Variants in GSN observed in about 807,000 individuals in gnomAD.
GSN encodes actin-depolymerizing factor.
GSN carries 56 observed loss-of-function variants against 85.7 expected under a neutral mutation model. The ratio of observed to expected loss-of-function variants is 0.65; its 90% CI spans 0.53 to 0.82. GSN has a LOEUF of 0.82. GSN is among the 40% of genes least tolerant of loss of function. The pLI is 0.00. For missense variants in GSN, 857 were observed against 979.8 expected (o/e 0.87, Z 1.67); for synonymous variants, 373 against 399.1 (o/e 0.93, Z 0.78).
chr9:121,224,741 GAA>G lies in GSN; in HGVS notation c.-527-6409_-527-6408del, dbSNP rs11374663. 1.6e-3 allele frequency among the ~76,000 whole-genome samples: 180 copies of G among 114,304 alleles called. 1 individual carries two copies. Among genetic ancestry groups the G allele is most frequent in the African/African-American group, 4.9e-3 (149 of 30,260 alleles). The allele number at this position is 114,304 out of a possible 152,430, so 75.0% of individuals were successfully genotyped here. ...AGAGATATGATTAGCTAGGCTACCTGAAAAAAAAAAAAAAAAGAAAAGAAAAC... is the reference window on the plus strand; with the variant it reads ...AGAGATATGATTAGCTAGGCTACCTGAAAAAAAAAAAAAAGAAAAGAAAAC... On this transcript the variant is annotated intron_variant, in intron 4 of 24. Transcript: ENST00000373823.
At position 121,331,487 on chromosome 9, in the gene GSN, G is replaced by T. The variant is rs1477637145; in HGVS notation, c.2026+39G>T. On this transcript the variant is annotated intron_variant, in intron 17 of 17. Transcript: ENST00000432226. ...TGCCTGGGGGCGGGGGGAGGGGTCCGTTGCTTGTGGGGTGCTGGGAGTGGC... is the reference window on the plus strand; with the variant it reads ...TGCCTGGGGGCGGGGGGAGGGGTCCTTTGCTTGTGGGGTGCTGGGAGTGGC... The T allele has an allele frequency of 3.2e-6, 4 of 1,254,922 alleles. No individual in the cohort carries two copies. The African/African-American group carries it at 4.4e-5, about 14-fold the overall frequency. 77.7% of individuals were successfully genotyped at this position (1,254,922 alleles called of 1,614,324 possible).
At chr9:121,310,940 A>T (rs2133438039) in intron 5 of GSN, 95 bp downstream of exon 5, 3 of 1,141,246 alleles carry the variant, frequency 2.6e-6, no homozygotes, top group Admixed American at 1.9e-5. Context: ...GCATAGATGC[A>T]GGTGGGCAAA....
Position 121,332,690 on chromosome 9 carries a change from T to C in GSN, c.*87T>C. On this transcript the variant is annotated 3_prime_UTR_variant, in exon 18 of 18. Transcript: ENST00000432226. This position sits in a 1 kb window ranked among gnomAD's most constrained non-coding sequence, Gnocchi z 4.8. The stretch of plus-strand genomic sequence containing the variant: ...GAGGCCTTAGAGCGAGCAGAGCAGC[T>C]CTGCTATGAGTGTGTGTGTGTGTGT... 4.0e-6 allele frequency: 4 copies of C among 1,009,686 alleles called. No homozygotes were observed. Among genetic ancestry groups the C allele is most frequent in the Non-Finnish European group, 6.1e-6 (4 of 658,092 alleles). 62.5% of individuals were successfully genotyped at this position (1,009,686 alleles called of 1,614,324 possible).
upstream of GSN, chr9:121,265,299 TGA>T (rs1333131313): frequency 6.6e-6 from 1 of 152,202 alleles, no homozygotes; most frequent in Non-Finnish European, 1.5e-5. Context: ...ATCTCCTCTG[TGA>T]GTTTTGCGAC....
rs181369256 is a variant in GSN, at chr9:121,249,749, G to T, written c.-341+1426G>T. Among the ~76,000 whole-genome samples, 361 of 152,268 alleles carry T rather than the reference G, an allele frequency of 2.4e-3. 4 individuals are homozygous for T. The highest frequency in any genetic ancestry group is 2.1e-3 in the Non-Finnish European group (144 of 68,012). On this transcript the variant is annotated intron_variant, in intron 6 of 24. Coordinates refer to the GSN transcript ENST00000373823. ...CCACATGTATACCTGGGGACTTTCT[G>T]CCCTGGTCACCAGTGATTGGACCAG...
chr9:121,210,772 C>T (rs1031258245), intron 3 of GSN: 1 of 152,250 alleles, frequency 6.6e-6, no homozygotes, highest in African/African-American at 2.4e-5. Context: ...TTCACCCCTT[C>T]TCTGCCCACA....
chr9:121,317,112 C>T lies in GSN; in HGVS notation c.780C>T (p.Ser260=), dbSNP rs201395524. The T allele has an allele frequency of 1.5e-5, 24 of 1,614,126 alleles. No homozygotes were observed. The highest frequency in any genetic ancestry group is 6.7e-5 in the African/African-American group (5 of 75,054). Residue 260 remains serine (S), a synonymous_variant, in exon 8 of 18, where the codon TCC becomes TCT. Transcript: ENST00000432226. ...TCTCCAATGGTGCAGGGACCATGTC[C>T]GTCTCCCTCGTGGCTGATGAGAACC... The part of the protein sequence containing the change: ...YKVSNGAGTM[S]VSLVADENPF...
chr9:121,265,788 C>T (rs2055184546), upstream of GSN: 1 of 152,174 alleles, frequency 6.6e-6, no homozygotes, highest in South Asian at 2.1e-4. Flanking sequence ...CTTACCTTAC[C>T]TAGATCCAAT....
chr9:121,254,166 G>A (rs1461909755), intron 6 of GSN, among the ~76,000 whole-genome samples: 3 of 152,156 alleles, frequency 2.0e-5, no homozygotes, highest in Non-Finnish European at 4.4e-5. Flanking sequence ...GGTCAGGAGC[G>A]CTCAGCCTTC....
chr9:121,313,874 T>G (rs2061432113), intron 6 of GSN, 60 bp from the exon 7 acceptor site: 2 of 1,327,114 alleles, frequency 1.5e-6, no homozygotes, highest in Non-Finnish European at 1.1e-6. Context: ...GGGAGCTATC[T>G]CAGGAGCCTG....
At chr9:121,323,985 G>A (rs1382836398) in intron 11 of GSN, among the ~76,000 whole-genome samples, 1 of 152,080 alleles carries the variant, frequency 6.6e-6, no homozygotes, top group Non-Finnish European at 1.5e-5. Flanking sequence ...TTGCTTATAC[G>A]ACGACATATG....
intron 4 of GSN, among the ~76,000 whole-genome samples, chr9:121,226,896 T>G (rs993224279): frequency 2.0e-5 from 3 of 152,192 alleles, no homozygotes; most frequent in Non-Finnish European, 4.4e-5. Context: ...TAATCGATCA[T>G]GCCTACGTGA....
At position 121,332,394 on chromosome 9, in the gene GSN, G is replaced by A. The variant is rs1431979891; in HGVS notation, c.2027-40G>A. 6.3e-7 allele frequency: 1 copy of A among 1,596,610 alleles called. No individual in the cohort carries two copies. Among genetic ancestry groups the A allele is most frequent in the African/African-American group, 1.3e-5 (1 of 74,728 alleles). Reference sequence around the variant, plus strand: ...CTCTCCCTGGTGTGGGAGGCACTAAGAATTCCTGGGGTTTCCTTTTCTTGC... The same window carrying A: ...CTCTCCCTGGTGTGGGAGGCACTAAAAATTCCTGGGGTTTCCTTTTCTTGC... On this transcript the variant is annotated intron_variant, in intron 17 of 17. Transcript: ENST00000432226. The surrounding 1 kb of genome is among the most constrained non-coding windows in gnomAD (Gnocchi z 4.8).
intron 5 of GSN, among the ~76,000 whole-genome samples, chr9:121,242,640 C>T (rs1265646025): frequency 6.6e-6 from 1 of 152,144 alleles, no homozygotes; most frequent in Non-Finnish European, 1.5e-5. Flanking sequence ...GGTTGCCAAA[C>T]CAAAGCTATG....
Position 121,326,516 on chromosome 9 carries a change from G to C in GSN, c.1421G>C (p.Arg474Pro). ...EELGGTPVQS[R>P]VVQGKEPAHL... ...GCTCTCCTGTCTCCCTGCCAGAGCC[G>C]TGTGGTCCAAGGCAAGGAGCCCGCC... is the stretch of plus-strand genomic sequence containing the variant. The change falls in exon 13 of 18, where the codon CGT (arginine) becomes CCT (proline). Residue 474 changes from arginine to proline, a missense_variant. By Grantham distance (103) the Arg-to-Pro change is moderately radical. Coordinates refer to ENST00000432226, the MANE Select transcript of GSN (RefSeq NM_198252.3). 1.2e-6 allele frequency: 2 copies of C among 1,613,520 alleles called. No homozygotes were observed. The highest frequency in any genetic ancestry group is 1.7e-6 in the Non-Finnish European group (2 of 1,179,720).
rs370774604 is a variant in GSN at position 121,326,496 on chromosome 9, C to G, written c.1417-16C>G. On this transcript the variant is annotated splice_polypyrimidine_tract_variant and intron_variant, in intron 12 of 17. Coordinates refer to ENST00000432226, the MANE Select transcript of GSN (RefSeq NM_198252.3). ...GCCCCCAAGGTCCCTGACTTGCTCT[C>G]CTGTCTCCCTGCCAGAGCCGTGTGG... The G allele has an allele frequency of 3.1e-6, 5 of 1,612,436 alleles. No homozygotes were observed. The African/African-American group carries it at 5.3e-5, about 17-fold the overall frequency.
chr9:121,237,314 C>T (rs1026661105), intron 5 of GSN, among the ~76,000 whole-genome samples: 2 of 152,170 alleles, frequency 1.3e-5, no homozygotes, highest in African/African-American at 4.8e-5. Flanking sequence ...GTAATCACAA[C>T]ACTTTGGGAG....
upstream of GSN, among the ~76,000 whole-genome samples, chr9:121,202,830 A>G (rs143074811): frequency 1.1e-4 from 17 of 152,348 alleles, no homozygotes; most frequent in East Asian, 2.7e-3. Context: ...TTCTGACTTT[A>G]AAAGAATGTA....
At chr9:121,251,622 T>C (rs1164093177) in intron 6 of GSN, among the ~76,000 whole-genome samples, 3 of 152,136 alleles carry the variant, frequency 2.0e-5, no homozygotes, top group African/African-American at 4.8e-5. Flanking sequence ...TGGTAGGTAA[T>C]GGACAATGGA....
Sources: gnomAD v4.1 joint callset for allele counts (sites outside exome capture counted in the v4.1 genomes callset) on GRCh38, gnomAD v4.1.1 for gene constraint, Gnocchi (gnomAD v3.1) non-coding constraint, MANE v1.5 for transcripts, NCBI Gene and HGNC (gene_info 2026-07-23, HGNC 2026-07-21) for gene names.